Variants in SERPINA12 observed in about 807,000 individuals in gnomAD.
The protein encoded by SERPINA12 is serpin A12.
Under a neutral mutation model 25.9 loss-of-function variants are expected in SERPINA12, and 21 were observed. The observed-to-expected ratio is 0.81, with a 90% CI of 0.58 to 1.17. The LOEUF (loss-of-function observed/expected upper bound fraction) is 1.17, where lower values mean the gene tolerates loss of function less well. SERPINA12 is among the 50% of genes most tolerant of loss of function. The pLI, the probability that SERPINA12 is intolerant of heterozygous loss-of-function variation, is 0.00. For missense variants in SERPINA12, 562 were observed against 508.3 expected, an observed-to-expected ratio of 1.11 and a Z score of -1.02; for synonymous variants, 220 against 196.0, an observed-to-expected ratio of 1.12 and a Z score of -1.02.
At chr14:94,493,478 CCA>C (rs1900262070) in intron 3 of SERPINA12, among the ~76,000 whole-genome samples, 1 of 152,092 alleles carries the variant, frequency 6.6e-6, no homozygotes, top group Admixed American at 6.5e-5. Context: ...GAAAGCAGTC[CCA>C]GAGGGATGGG....
chr14:94,507,731 C>A (rs564172234), intron 1 of SERPINA12, among the ~76,000 whole-genome samples: 1 of 152,268 alleles, frequency 6.6e-6, no homozygotes, highest in Middle Eastern at 3.4e-3. Context: ...TCTTATATTG[C>A]GGGTGGGTGT....
chr14:94,504,748 G>C (rs1900872309), intron 1 of SERPINA12, among the ~76,000 whole-genome samples: 1 of 152,212 alleles, frequency 6.6e-6, no homozygotes, highest in African/African-American at 2.4e-5. Flanking sequence ...CATTTGTTGT[G>C]CTGGAGTGGT....
upstream of SERPINA12, chr14:94,511,800 C>T: frequency 5.8e-6 from 5 of 859,566 alleles, 1 homozygote; most frequent in South Asian, 2.6e-4. Context: ...CTCATAAGCT[C>T]ACAGACCAGG....
At chr14:94,510,507 T>C (rs1438661761), upstream of SERPINA12, among the ~76,000 whole-genome samples, 3 of 152,176 alleles carry the variant, frequency 2.0e-5, no homozygotes, top group Non-Finnish European at 4.4e-5. Flanking sequence ...ACACTGCTGG[T>C]GGGAATGTAA....
In SERPINA12 at chr14:94,496,428, C is replaced by T. The variant is rs761165782; in HGVS notation, c.850G>A (p.Glu284Lys). 37 of 1,614,056 alleles carry T rather than the reference C, an allele frequency of 2.3e-5. No homozygotes were observed. Among genetic ancestry groups the T allele is most frequent in the Admixed American group, 1.0e-4 (6 of 60,000 alleles). The change falls in exon 3 of 5, where the codon GAG becomes AAG. Residue 284 changes from glutamate (E) to lysine (K), a missense_variant. Glu to Lys is a moderately conservative substitution (Grantham distance 56). Transcript: ENST00000677451. ...AAAGTGTCCACCTGCAATCCCTTCT[C>T]CAAGTGCTTCAGCTTGCCCTCATCA... is the stretch of plus-strand genomic sequence containing the variant. The part of the protein sequence containing the change: ...LPDEGKLKHL[E>K]KGLQVDTFSR...
chr14:94,506,470 G>A (rs933208648), intron 1 of SERPINA12, among the ~76,000 whole-genome samples: 1 of 152,190 alleles, frequency 6.6e-6, no homozygotes, highest in African/African-American at 2.4e-5. Flanking sequence ...CTGTGTCATA[G>A]ATGGGGCACT....
chr14:94,507,026 C>A (rs1322705352), intron 1 of SERPINA12, among the ~76,000 whole-genome samples: 1 of 152,170 alleles, frequency 6.6e-6, no homozygotes, highest in Non-Finnish European at 1.5e-5. Flanking sequence ...GTGACAAGGG[C>A]ATCGCTACAG....
chr14:94,488,372 C>A (rs1238467327), intron 4 of SERPINA12, among the ~76,000 whole-genome samples: 1 of 151,930 alleles, frequency 6.6e-6, no homozygotes, highest in Non-Finnish European at 1.5e-5. Context: ...CAATCCCCAC[C>A]ACCCACTACT....
At chr14:94,488,001 A>G (rs1278184245) in intron 4 of SERPINA12, among the ~76,000 whole-genome samples, 2 of 152,192 alleles carry the variant, frequency 1.3e-5, no homozygotes, top group African/African-American at 4.8e-5. Flanking sequence ...AGTACTGGGA[A>G]ACTAACGGGC....
At chr14:94,488,369 C>T (rs1595681918) in intron 4 of SERPINA12, among the ~76,000 whole-genome samples, 1 of 151,918 alleles carries the variant, frequency 6.6e-6, no homozygotes, top group Non-Finnish European at 1.5e-5. Flanking sequence ...ACCCAATCCC[C>T]ACCACCCACT....
At chr14:94,494,699 A>G (rs577471521) in intron 3 of SERPINA12, among the ~76,000 whole-genome samples, 12 of 152,214 alleles carry the variant, frequency 7.9e-5, no homozygotes, top group Non-Finnish European at 1.8e-4. Flanking sequence ...AGAACCTTGG[A>G]GCTCTGCCTC....
In SERPINA12 at chr14:94,492,576, A is replaced by G. The variant is rs576181779; in HGVS notation, c.906-2809T>C. Among the ~76,000 whole-genome samples, 15 of 152,344 alleles carry G rather than the reference A, an allele frequency of 9.8e-5. No homozygotes were observed. In the South Asian group the frequency reaches 1.2e-3, roughly 13 times the overall value. ...CTGATGGAAATGATTCAGAAGAGAG[A>G]AAAACATATGCTGATGTAGGAAAGT... On this transcript the variant is annotated intron_variant, in intron 3 of 4. Coordinates refer to ENST00000677451, the MANE Select transcript of SERPINA12 (RefSeq NM_001382267.1).
chr14:94,498,637 G>A (rs1184029996), intron 1 of SERPINA12, among the ~76,000 whole-genome samples: 1 of 152,210 alleles, frequency 6.6e-6, no homozygotes, highest in Non-Finnish European at 1.5e-5. Flanking sequence ...AGGACTGAAT[G>A]TAGAAGACAA....
Position 94,496,552 on chromosome 14 carries a change from G to A in SERPINA12, c.726C>T (p.Phe242=). 1.2e-6 allele frequency: 2 copies of A among 1,614,098 alleles called. No homozygotes were observed. Among genetic ancestry groups the A allele is most frequent in the Non-Finnish European group, 1.7e-6 (2 of 1,179,990 alleles). Residue 242 remains phenylalanine, a synonymous_variant, in exon 3 of 5, where the codon TTC becomes TTT. Coordinates refer to ENST00000677451, the MANE Select transcript of SERPINA12 (RefSeq NM_001382267.1). The stretch of plus-strand genomic sequence containing the variant: ...AGCCAACTTGGTATATGCCACTACG[G>A]AACATCATGGGCACCTTGACTGAAC... ...KNSSVKVPMM[F]RSGIYQVGYD...
chr14:94,497,839 C>T lies in SERPINA12; in HGVS notation c.559G>A (p.Gly187Arg), dbSNP rs371646506. ...INDFISQKTH[G>R]KINNLIENID... ...TTCTCGATCAGGTTGTTAATTTTCC[C>T]ATGGGTTTTTTGACTGATAAAGTCA... Residue 187 changes from glycine to arginine, a missense_variant, in exon 2 of 5, where the codon GGG (glycine) becomes AGG (arginine). Physicochemically the swap from Gly to Arg is moderately radical, Grantham distance 125. Coordinates refer to ENST00000677451, the MANE Select transcript of SERPINA12 (RefSeq NM_001382267.1). The T allele has an allele frequency of 5.6e-6, 9 of 1,613,952 alleles. No individual in the cohort carries two copies. The African/African-American group carries it at 1.1e-4, about 19-fold the overall frequency.
At chr14:94,489,133 A>AAG (rs368739327) in intron 4 of SERPINA12, among the ~76,000 whole-genome samples, 60 of 145,782 alleles carry the variant, frequency 4.1e-4, no homozygotes, top group African/African-American at 6.3e-4. Context: ...GGAAGGAAGG[A>AAG]AGAGAGAGAG....
chr14:94,499,247 C>T (rs1057392334), intron 1 of SERPINA12, among the ~76,000 whole-genome samples: 1 of 152,136 alleles, frequency 6.6e-6, no homozygotes, highest in African/African-American at 2.4e-5. Flanking sequence ...TTCCCTACAC[C>T]CTTCCCAGGG....
At chr14:94,495,724 C>G (rs1175667583) in intron 3 of SERPINA12, among the ~76,000 whole-genome samples, 1 of 152,158 alleles carries the variant, frequency 6.6e-6, no homozygotes, top group African/African-American at 2.4e-5. Context: ...CTAGAGGCCA[C>G]TAGCCCAGCC....
chr14:94,505,232 C>A (rs1268287332), intron 1 of SERPINA12, among the ~76,000 whole-genome samples: 2 of 152,204 alleles, frequency 1.3e-5, no homozygotes, highest in Admixed American at 6.5e-5. Context: ...CTATTCAGAG[C>A]AGGTGACCCA....
Sources: gnomAD v4.1 joint callset for allele counts (sites outside exome capture counted in the v4.1 genomes callset) on GRCh38, gnomAD v4.1.1 for gene constraint, MANE v1.5 for transcripts, NCBI Gene and HGNC (gene_info 2026-07-23, HGNC 2026-07-21) for gene names.